FYN: variants seen among roughly 807,000 people sequenced by gnomAD.
The protein encoded by FYN is FYN proto-oncogene, Src family tyrosine kinase, also known as tyrosine-protein kinase Fyn.
FYN carries 10 observed loss-of-function variants against 70.2 expected under a neutral mutation model. That is an observed-to-expected ratio of 0.14 (90% CI 0.09 to 0.24). The LOEUF is 0.24. FYN is among the 10% of genes least tolerant of loss of function. FYN has a pLI of 1.00. For synonymous variants in FYN, 236 were observed against 248.6 expected (o/e 0.95, Z 0.48); for missense variants, 319 against 673.1 (o/e 0.47, Z 5.82).
intron 1 of FYN, among the ~76,000 whole-genome samples, chr6:111,871,959 G>A (rs1175595276): frequency 6.6e-6 from 1 of 152,190 alleles, no homozygotes; most frequent in Non-Finnish European, 1.5e-5. Flanking sequence ...GAGATCAACT[G>A]CTTCATGGGA....
At chr6:111,834,100 A>G (rs1773105648) in intron 2 of FYN, among the ~76,000 whole-genome samples, 2 of 152,238 alleles carry the variant, frequency 1.3e-5, no homozygotes, top group South Asian at 4.1e-4. Flanking sequence ...GACCATTTAT[A>G]TATAGTCCCA....
At chr6:111,829,657 T>C (rs1583476987) in intron 2 of FYN, among the ~76,000 whole-genome samples, 1 of 152,236 alleles carries the variant, frequency 6.6e-6, no homozygotes, top group African/African-American at 2.4e-5. Flanking sequence ...CTGATTTTAC[T>C]GCTGTCTGAC....
At chr6:111,851,709 G>A (rs1429886557) in intron 1 of FYN, among the ~76,000 whole-genome samples, 1 of 152,062 alleles carries the variant, frequency 6.6e-6, no homozygotes, top group African/African-American at 2.4e-5. Context: ...GTGGGAGAGG[G>A]TGTGGCAAGG....
intron 2 of FYN, among the ~76,000 whole-genome samples, chr6:111,787,982 T>G (rs942269839): frequency 2.0e-5 from 3 of 152,190 alleles, no homozygotes; most frequent in African/African-American, 7.2e-5. Flanking sequence ...CCTCATGCCT[T>G]GCCTTCTCAG....
chr6:111,860,684 C>A (rs556996121), intron 1 of FYN, among the ~76,000 whole-genome samples: 1 of 152,162 alleles, frequency 6.6e-6, no homozygotes, highest in Non-Finnish European at 1.5e-5. Flanking sequence ...CAGAACCTGT[C>A]CCTTTCCCAG....
intron 2 of FYN, among the ~76,000 whole-genome samples, chr6:111,782,363 G>C (rs1771207849): frequency 6.6e-6 from 1 of 152,104 alleles, no homozygotes; most frequent in Admixed American, 6.5e-5. Context: ...CCATCCACGG[G>C]TAATGGTGCA....
chr6:111,766,434 T>C (rs573949196), intron 3 of FYN, among the ~76,000 whole-genome samples: 1 of 152,294 alleles, frequency 6.6e-6, no homozygotes, highest in East Asian at 1.9e-4. Flanking sequence ...ACAAAAAATT[T>C]CCAATGCACA....
chr6:111,702,893 T>C lies in FYN; in HGVS notation c.689A>G (p.His230Arg), dbSNP rs1461865526. 2 of 1,614,010 alleles carry C rather than the reference T, an allele frequency of 1.2e-6. No individual in the cohort carries two copies. Among genetic ancestry groups the C allele is most frequent in the East Asian group, 4.5e-5 (2 of 44,876 alleles). Residue 230 changes from histidine (H) to arginine (R), a missense_variant, in exon 8 of 14, where the codon CAT becomes CGT. His to Arg is a conservative substitution (Grantham distance 29). This residue lies in a region of FYN where 112 missense variants were observed against 250.2 expected (regional missense o/e 0.45). Coordinates refer to ENST00000354650, the MANE Select transcript of FYN (RefSeq NM_002037.5). Reference sequence around the variant, plus strand: ...GTTAGAATTAAGGTTACCTGAGTAATGTTGTACAAGCTGCTGAAGTGTTTC... The same window carrying C: ...GTTAGAATTAAGGTTACCTGAGTAACGTTGTACAAGCTGCTGAAGTGTTTC... ...QFETLQQLVQ[H>R]YSERAAGLCC...
intron 8 of FYN, chr6:111,702,451 T>C (rs540889977): frequency 6.5e-6 from 1 of 154,236 alleles, no homozygotes; most frequent in East Asian, 1.9e-4. Context: ...TGCATGAGAA[T>C]GAAATGTACG....
intron 5 of FYN, among the ~76,000 whole-genome samples, chr6:111,713,570 A>C (rs1800487445): frequency 6.6e-6 from 1 of 151,610 alleles, no homozygotes; most frequent in African/African-American, 2.4e-5. Flanking sequence ...CAGAACCTAG[A>C]TTTTTTTCTG....
At chr6:111,768,428 T>G (rs1803315965) in intron 3 of FYN, among the ~76,000 whole-genome samples, 3 of 152,224 alleles carry the variant, frequency 2.0e-5, no homozygotes, top group South Asian at 4.1e-4. Flanking sequence ...TTTATATGCA[T>G]GTGTACAAAC....
intron 2 of FYN, among the ~76,000 whole-genome samples, chr6:111,823,753 G>A (rs1252999268): frequency 2.6e-5 from 4 of 152,078 alleles, no homozygotes; most frequent in African/African-American, 9.7e-5. Flanking sequence ...GTTAAAATAT[G>A]TGTCTGGGTG....
At chr6:111,823,656 T>C (rs1772744149) in intron 2 of FYN, among the ~76,000 whole-genome samples, 1 of 152,198 alleles carries the variant, frequency 6.6e-6, no homozygotes, top group African/African-American at 2.4e-5. Flanking sequence ...TTTAAGATTC[T>C]ACACACTCGC....
intron 12 of FYN, among the ~76,000 whole-genome samples, chr6:111,682,706 G>A (rs891839732): frequency 6.6e-6 from 1 of 152,196 alleles, no homozygotes; most frequent in Admixed American, 6.5e-5. Flanking sequence ...GATCATTTAG[G>A]AAAGGAGCTT....
intron 4 of FYN, among the ~76,000 whole-genome samples, chr6:111,715,279 C>G (rs1800576302): frequency 6.6e-6 from 1 of 151,400 alleles, no homozygotes; most frequent in Admixed American, 6.6e-5. Flanking sequence ...GGGGGTCTCA[C>G]TATGTTGCCC....
At chr6:111,679,406 G>A (rs994442923) in intron 12 of FYN, among the ~76,000 whole-genome samples, 6 of 152,126 alleles carry the variant, frequency 3.9e-5, no homozygotes, top group Non-Finnish European at 5.9e-5. Context: ...TTGTCTGAAG[G>A]CTGTCTCTGC....
chr6:111,731,002 A>C (rs1801422667), intron 3 of FYN, among the ~76,000 whole-genome samples: 2 of 152,194 alleles, frequency 1.3e-5, no homozygotes, highest in African/African-American at 2.4e-5. Context: ...CCGAGGGCCC[A>C]AGGGTCAGGG....
At chr6:111,769,739 C>A (rs1365619698) in intron 3 of FYN, among the ~76,000 whole-genome samples, 2 of 151,770 alleles carry the variant, frequency 1.3e-5, no homozygotes, top group African/African-American at 4.8e-5. Flanking sequence ...TAAAAAAAAA[C>A]ACACACACCC....
At chr6:111,823,652 A>G (rs1168817041) in intron 2 of FYN, among the ~76,000 whole-genome samples, 1 of 152,148 alleles carries the variant, frequency 6.6e-6, no homozygotes, top group Non-Finnish European at 1.5e-5. Flanking sequence ...TTCCTTTAAG[A>G]TTCTACACAC....
Sources: allele counts gnomAD v4.1 joint callset (sites outside exome capture counted in the v4.1 genomes callset), GRCh38; gene constraint gnomAD v4.1.1; regional missense constraint gnomAD v4.1.1; transcripts MANE v1.5; gene names NCBI Gene and HGNC (gene_info 2026-07-23, HGNC 2026-07-21).